The following TNKS variants were observed in gnomAD, a reference collection of about 807,000 sequenced individuals.
TNKS encodes poly [ADP-ribose] polymerase tankyrase-1.
TNKS carries 72 observed loss-of-function variants against 135.8 expected under a neutral mutation model. That is an observed-to-expected ratio of 0.53 (90% CI 0.44 to 0.64). TNKS has a LOEUF of 0.64. Among genes scored for constraint, TNKS ranks in the 30% least tolerant of loss-of-function variants. The pLI is 0.00. For missense variants in TNKS, 1,769 were observed against 1,674.0 expected, an observed-to-expected ratio of 1.06 and a Z score of -0.99; for synonymous variants, 849 against 649.3, an observed-to-expected ratio of 1.31 and a Z score of -4.68.
chr8:9,677,552 G>A (rs1028985085), intron 3 of TNKS, among the ~76,000 whole-genome samples: 7 of 151,800 alleles, frequency 4.6e-5, no homozygotes, highest in African/African-American at 1.7e-4. Flanking sequence ...GTCTATCAGG[G>A]AATTTATACT....
chr8:9,678,125 A>G (rs775684554), intron 3 of TNKS, among the ~76,000 whole-genome samples: 1 of 152,218 alleles, frequency 6.6e-6, no homozygotes, highest in Non-Finnish European at 1.5e-5. Flanking sequence ...CAGAGATGAT[A>G]GTGTCTTTCG....
chr8:9,743,262 A>G (rs1394670803), intron 17 of TNKS, among the ~76,000 whole-genome samples: 1 of 152,078 alleles, frequency 6.6e-6, no homozygotes, highest in East Asian at 1.9e-4. Flanking sequence ...TCTTCTTCCT[A>G]ATATTATCTC....
At chr8:9,687,443 T>C (rs1803055179) in intron 5 of TNKS, among the ~76,000 whole-genome samples, 1 of 152,210 alleles carries the variant, frequency 6.6e-6, no homozygotes, top group East Asian at 1.9e-4. Flanking sequence ...TCTTTATGCT[T>C]ATGTATATTC....
chr8:9,705,964 T>G (rs1804021039), intron 6 of TNKS, among the ~76,000 whole-genome samples: 1 of 152,194 alleles, frequency 6.6e-6, no homozygotes, highest in Admixed American at 6.5e-5. Flanking sequence ...GTTCTTCTAT[T>G]TGGTATTTTT....
rs546707556 is a variant in TNKS at position 9,556,367 on chromosome 8, C to T, written c.428C>T (p.Pro143Leu). The T allele has an allele frequency of 3.1e-6, 5 of 1,614,228 alleles. No homozygotes were observed. The African/African-American group carries it at 5.3e-5, about 17-fold the overall frequency. Residue 143 changes from proline to leucine, a missense_variant, in exon 1 of 27, where the codon CCA becomes CTA. This residue lies in a region of TNKS where 450 missense variants were observed against 304.9 expected (regional missense o/e 1.48). Transcript: ENST00000310430. ...CCGACTTCTTCCTCATCTTCCTCTCCATCCTCCCCTGGATCGAGCTTGGCG... is the reference window on the plus strand; with the variant it reads ...CCGACTTCTTCCTCATCTTCCTCTCTATCCTCCCCTGGATCGAGCTTGGCG... Reference protein sequence around the residue: ...SSPTSSSSSSPSSPGSSLAES... With the variant: ...SSPTSSSSSSLSSPGSSLAES...
chr8:9,648,801 T>G (rs1405741320), intron 3 of TNKS, among the ~76,000 whole-genome samples: 1 of 152,186 alleles, frequency 6.6e-6, no homozygotes, highest in Non-Finnish European at 1.5e-5. Context: ...TTCCCCTCAC[T>G]TTCCCATTCT....
Position 9,761,679 on chromosome 8 carries a change from T to C in TNKS, c.3274+43T>C, listed in dbSNP as rs372730413. ...AAAAAAAAATTTCAGAAATCAGTGG[T>C]ACAAGGTAAGTATTGGGGCTGATAA... On this transcript the variant is annotated intron_variant, in intron 21 of 26. Transcript: ENST00000310430. 1.5e-5 allele frequency: 24 copies of C among 1,574,322 alleles called. No homozygotes were observed. In the African/African-American group the frequency reaches 3.3e-4, roughly 22 times the overall value.
chr8:9,753,566 A>C (rs1453642000), intron 20 of TNKS, among the ~76,000 whole-genome samples: 4 of 152,236 alleles, frequency 2.6e-5, no homozygotes, highest in African/African-American at 7.2e-5. Flanking sequence ...GTAATATTGT[A>C]TGCTTTCATT....
chr8:9,711,879 A>T (rs949294323), intron 11 of TNKS, among the ~76,000 whole-genome samples: 1 of 152,206 alleles, frequency 6.6e-6, no homozygotes, highest in African/African-American at 2.4e-5. Flanking sequence ...TACATAATTT[A>T]AACACATAAA....
chr8:9,630,692 A>G (rs1456677589), intron 3 of TNKS, among the ~76,000 whole-genome samples: 1 of 152,224 alleles, frequency 6.6e-6, no homozygotes, highest in Non-Finnish European at 1.5e-5. Flanking sequence ...AGCCTTTGTT[A>G]TTGAAGAAAA....
chr8:9,557,538 A>C (rs1815376956), intron 1 of TNKS: 1 of 152,154 alleles, frequency 6.6e-6, no homozygotes, highest in African/African-American at 2.4e-5. Flanking sequence ...ATATTTTAAA[A>C]ATGTAGGTAA....
intron 2 of TNKS, among the ~76,000 whole-genome samples, chr8:9,596,279 T>C (rs1183468465): frequency 2.0e-5 from 3 of 152,168 alleles, no homozygotes; most frequent in Non-Finnish European, 4.4e-5. Context: ...CTGAAACTCA[T>C]ATATTATTAG....
intron 5 of TNKS, among the ~76,000 whole-genome samples, chr8:9,700,960 G>C (rs1302868697): frequency 6.9e-6 from 1 of 144,664 alleles, no homozygotes; most frequent in Non-Finnish European, 1.5e-5. Context: ...TTGAGACGGA[G>C]TCTTGCTTTG....
intron 5 of TNKS, among the ~76,000 whole-genome samples, chr8:9,682,670 A>G (rs548959516): frequency 1.3e-5 from 2 of 152,180 alleles, no homozygotes; most frequent in South Asian, 4.1e-4. Context: ...CATATAGCAG[A>G]AGCTTAGAAT....
chr8:9,676,915 G>T (rs1157790397), intron 3 of TNKS, among the ~76,000 whole-genome samples: 1 of 151,970 alleles, frequency 6.6e-6, no homozygotes, highest in African/African-American at 2.4e-5. Flanking sequence ...TTCCTTTCTG[G>T]CTGATCTATT....
At chr8:9,712,283 C>G (rs1804375028) in intron 11 of TNKS, among the ~76,000 whole-genome samples, 1 of 152,142 alleles carries the variant, frequency 6.6e-6, no homozygotes, top group African/African-American at 2.4e-5. Flanking sequence ...AGTTCGACAC[C>G]AGCCTGGGCA....
chr8:9,704,326 A>G (rs563897310), intron 5 of TNKS, among the ~76,000 whole-genome samples: 39 of 152,324 alleles, frequency 2.6e-4, no homozygotes, highest in African/African-American at 8.2e-4. Context: ...GAATGTTTCC[A>G]ATTATAGGAA....
chr8:9,744,374 T>C (rs1274830459), intron 17 of TNKS, among the ~76,000 whole-genome samples: 1 of 152,236 alleles, frequency 6.6e-6, no homozygotes, highest in African/African-American at 2.4e-5. Context: ...TTTCCAGTGC[T>C]TTCTCTAAAA....
At chr8:9,647,731 T>C (rs1363688018) in intron 3 of TNKS, among the ~76,000 whole-genome samples, 1 of 152,218 alleles carries the variant, frequency 6.6e-6, no homozygotes, top group Non-Finnish European at 1.5e-5. Context: ...ATTATATTTC[T>C]GGGAATGCTC....
Sources: gnomAD v4.1 joint callset for allele counts (sites outside exome capture counted in the v4.1 genomes callset) on GRCh38, gnomAD v4.1.1 for gene constraint, gnomAD v4.1.1 regional missense constraint, MANE v1.5 for transcripts, NCBI Gene and HGNC (gene_info 2026-07-23, HGNC 2026-07-21) for gene names.